The following CFAP299 variants were observed in gnomAD, a reference collection of about 807,000 sequenced individuals.
CFAP299 encodes the protein cilia and flagella associated protein 299.
A neutral mutation model predicts 27.0 loss-of-function variants in CFAP299; 21 were observed. The ratio of observed to expected loss-of-function variants is 0.78; its 90% CI spans 0.55 to 1.12. The LOEUF is 1.12. Among genes scored for constraint, CFAP299 ranks in the 50% most tolerant of loss-of-function variants. The probability of loss-of-function intolerance (pLI) is 0.00; values close to 1 mark genes in which losing one functional copy is unlikely to be tolerated. For missense variants in CFAP299, 310 were observed against 276.6 expected, an observed-to-expected ratio of 1.12 and a Z score of -0.86; for synonymous variants, 104 against 98.1, an observed-to-expected ratio of 1.06 and a Z score of -0.36.
At chr4:80,889,006 C>A (rs1578214499) in intron 4 of CFAP299, among the ~76,000 whole-genome samples, 2 of 53,518 alleles carry the variant, frequency 3.7e-5, no homozygotes, top group Admixed American at 2.2e-4. Flanking sequence ...CTATAAGTGC[C>A]TAAGCAAAAA....
chr4:80,406,512 A>C (rs1410310164), intron 2 of CFAP299, among the ~76,000 whole-genome samples: 1 of 152,124 alleles, frequency 6.6e-6, no homozygotes, highest in Non-Finnish European at 1.5e-5. Flanking sequence ...CCATAGGCTC[A>C]TGCCACCACA....
chr4:80,748,503 A>C (rs1405907885), intron 3 of CFAP299, among the ~76,000 whole-genome samples: 1 of 152,114 alleles, frequency 6.6e-6, no homozygotes, highest in East Asian at 1.9e-4. Flanking sequence ...ATTTTCCCTA[A>C]TAGATTGCAA....
At chr4:80,644,856 C>A (rs1020168821) in intron 3 of CFAP299, among the ~76,000 whole-genome samples, 1 of 152,036 alleles carries the variant, frequency 6.6e-6, no homozygotes, top group African/African-American at 2.4e-5. Context: ...TTAAAATGCC[C>A]AATTCATAGC....
chr4:80,694,450 T>G (rs1720959198), intron 3 of CFAP299, among the ~76,000 whole-genome samples: 1 of 152,224 alleles, frequency 6.6e-6, no homozygotes, highest in South Asian at 2.1e-4. Context: ...ATATCTATAT[T>G]ATGCTCTCAA....
intron 2 of CFAP299, among the ~76,000 whole-genome samples, chr4:80,379,020 T>C (rs1463825493): frequency 6.6e-6 from 1 of 152,112 alleles, no homozygotes; most frequent in African/African-American, 2.4e-5. Flanking sequence ...GTTGATGTTA[T>C]TTCTTCCTTA....
At chr4:80,486,200 A>G (rs1203925661) in intron 2 of CFAP299, among the ~76,000 whole-genome samples, 1 of 152,182 alleles carries the variant, frequency 6.6e-6, no homozygotes, top group Non-Finnish European at 1.5e-5. Flanking sequence ...AATGGAGACA[A>G]TGTGTGAAGC....
intron 2 of CFAP299, among the ~76,000 whole-genome samples, chr4:80,399,314 C>T (rs1040314268): frequency 1.3e-5 from 2 of 152,120 alleles, no homozygotes; most frequent in Non-Finnish European, 2.9e-5. Flanking sequence ...CTAGAAATAC[C>T]ATTTGACCCA....
Position 80,800,771 on chromosome 4 carries a change from A to ACATATATATG in CFAP299, c.334-69222_334-69221insCATATATATG, listed in dbSNP as rs1231549705. ...AGTGTGTGTGTGTGTGTGTGTGTATATATATATATGTATACATATATATAT... is the reference window on the plus strand; with the variant it reads ...AGTGTGTGTGTGTGTGTGTGTGTATACATATATATGTATATATATGTATACATATATATAT... On this transcript the variant is annotated intron_variant, in intron 3 of 5. Coordinates refer to ENST00000358105, the MANE Select transcript of CFAP299 (RefSeq NM_152770.3). 2.0e-3 allele frequency among the ~76,000 whole-genome samples: 262 copies of ACATATATATG among 132,880 alleles called. 1 individual carries two copies. The highest frequency in any genetic ancestry group is 3.6e-3 in the Middle Eastern group (1 of 274). The allele number at this position is 132,880 out of a possible 152,430, so 87.2% of individuals were successfully genotyped here.
chr4:80,913,649 G>T (rs555870084), intron 4 of CFAP299, among the ~76,000 whole-genome samples: 1 of 152,248 alleles, frequency 6.6e-6, no homozygotes, highest in Non-Finnish European at 1.5e-5. Context: ...TTACAGAAGG[G>T]ATTTCCCTAA....
chr4:80,654,894 G>C (rs1740481235), intron 3 of CFAP299, among the ~76,000 whole-genome samples: 1 of 151,270 alleles, frequency 6.6e-6, no homozygotes, highest in Non-Finnish European at 1.5e-5. Flanking sequence ...GGAATTATAG[G>C]TAGTAACCAT....
intron 3 of CFAP299, among the ~76,000 whole-genome samples, chr4:80,687,712 G>A (rs888508414): frequency 5.9e-5 from 9 of 152,170 alleles, no homozygotes; most frequent in African/African-American, 1.9e-4. Context: ...GAACAGCTCC[G>A]GTCTACAGCT....
intron 1 of CFAP299, among the ~76,000 whole-genome samples, chr4:80,362,196 T>G (rs988313802): frequency 3.3e-5 from 5 of 151,658 alleles, no homozygotes; most frequent in Non-Finnish European, 7.4e-5. Context: ...ACCAACATTA[T>G]ATGGAAACAA....
At chr4:80,652,744 T>C (rs1324718304) in intron 3 of CFAP299, among the ~76,000 whole-genome samples, 1 of 151,950 alleles carries the variant, frequency 6.6e-6, no homozygotes, top group Non-Finnish European at 1.5e-5. Context: ...CCTCTAGTGC[T>C]CCCTCATTCC....
At chr4:80,816,892 A>G (rs958377287) in intron 3 of CFAP299, among the ~76,000 whole-genome samples, 3 of 152,080 alleles carry the variant, frequency 2.0e-5, no homozygotes, top group African/African-American at 7.2e-5. Flanking sequence ...AAGTTTATGA[A>G]TTTGTGTTGG....
Position 80,497,711 on chromosome 4 carries a change from G to A in CFAP299, c.243-85382G>A, listed in dbSNP as rs929841246. 3.9e-5 allele frequency among the ~76,000 whole-genome samples: 6 copies of A among 151,970 alleles called. No individual in the cohort carries two copies. In the South Asian group the frequency reaches 1.2e-3, roughly 32 times the overall value. ...TTGAAACTTATTTTTTAGCCTTACT[G>A]CATATTATGAACAACATTCAAAGTA... On this transcript the variant is annotated intron_variant, in intron 2 of 5. Transcript: ENST00000358105.
upstream of CFAP299, among the ~76,000 whole-genome samples, chr4:80,334,038 T>C (rs925572379): frequency 6.6e-6 from 1 of 152,192 alleles, no homozygotes; most frequent in Non-Finnish European, 1.5e-5. Flanking sequence ...TGAATTTTCT[T>C]GATATTAATA....
At position 80,661,195 on chromosome 4, in the gene CFAP299, G is replaced by A. The variant is rs147142748; in HGVS notation, c.333+78012G>A. ...ACAAAAATTAATCGGATGTGGTTGC[G>A]TGCTCCTGTTGTCCCAGCTACTCAG... On this transcript the variant is annotated intron_variant, in intron 3 of 5. Coordinates refer to ENST00000358105, the MANE Select transcript of CFAP299 (RefSeq NM_152770.3). Among the ~76,000 whole-genome samples the A allele has an allele frequency of 9.8e-3, 1,493 of 151,872 alleles. 18 individuals are homozygous for A. The highest frequency in any genetic ancestry group is 0.062 in the South Asian group (300 of 4,804).
In CFAP299 at chr4:80,676,242, G is replaced by A. The variant is rs377412874; in HGVS notation, c.333+93059G>A. ...ATTGTTTTTGTCCTTGGTTCTGTTA[G>A]TGTGATGTATCACATCTCAATTTTC... On this transcript the variant is annotated intron_variant, in intron 3 of 5. Coordinates refer to ENST00000358105, the MANE Select transcript of CFAP299 (RefSeq NM_152770.3). Among the ~76,000 whole-genome samples, 771 of 152,256 alleles carry A rather than the reference G, an allele frequency of 5.1e-3. 5 individuals carry two copies. The highest frequency in any genetic ancestry group is 0.02 in the Middle Eastern group (6 of 294).
chr4:80,963,320 C>T (rs1738436359), intron 5 of CFAP299, among the ~76,000 whole-genome samples, 197 bp from the exon 6 acceptor site: 1 of 151,954 alleles, frequency 6.6e-6, no homozygotes, highest in Non-Finnish European at 1.5e-5. Flanking sequence ...ACAACCCAAT[C>T]ATAATTCCAA....
Sources: allele counts gnomAD v4.1 joint callset (sites outside exome capture counted in the v4.1 genomes callset), GRCh38; gene constraint gnomAD v4.1.1; transcripts MANE v1.5; gene names NCBI Gene and HGNC (gene_info 2026-07-23, HGNC 2026-07-21).